The following SAMMSON variants were observed in gnomAD, a reference collection of about 807,000 sequenced individuals.
The protein encoded by SAMMSON is long intergenic non-protein coding RNA 1212.
intron 9 of SAMMSON, among the ~76,000 whole-genome samples, chr3:70,359,123 A>G (rs1174656000): frequency 5.3e-5 from 8 of 151,950 alleles, no homozygotes; most frequent in Admixed American, 5.3e-4. Flanking sequence ...ATCATCATCA[A>G]TTTCTCCTCT....
At chr3:70,144,719 A>G (rs926678552) in intron 4 of SAMMSON, among the ~76,000 whole-genome samples, 2 of 152,098 alleles carry the variant, frequency 1.3e-5, no homozygotes, top group African/African-American at 4.8e-5. Flanking sequence ...TGTTCCTGTG[A>G]TAATGAATGG....
intron 6 of SAMMSON, among the ~76,000 whole-genome samples, chr3:70,276,350 C>T (rs1381846446): frequency 6.6e-6 from 1 of 152,138 alleles, no homozygotes; most frequent in Non-Finnish European, 1.5e-5. Context: ...TTTCTTCACC[C>T]ACTTTCTTAC....
chr3:70,109,758 C>T (rs1417141194), intron 4 of SAMMSON, among the ~76,000 whole-genome samples: 1 of 152,190 alleles, frequency 6.6e-6, no homozygotes, highest in Non-Finnish European at 1.5e-5. Context: ...AATCAGTGCT[C>T]TTATCTTGTA....
At chr3:70,145,129 G>A (rs2067543154) in intron 4 of SAMMSON, among the ~76,000 whole-genome samples, 1 of 152,006 alleles carries the variant, frequency 6.6e-6, no homozygotes, top group South Asian at 2.1e-4. Context: ...TCAGGTCACA[G>A]AAAACCCAAT....
At chr3:70,279,070 C>A in intron 6 of SAMMSON, among the ~76,000 whole-genome samples, 1 of 149,876 alleles carries the variant, frequency 6.7e-6, no homozygotes, top group Non-Finnish European at 1.5e-5. Flanking sequence ...CTAACATCTT[C>A]TCATTTGCCC....
intron 4 of SAMMSON, among the ~76,000 whole-genome samples, chr3:70,184,820 A>G (rs569208311): frequency 7.9e-5 from 12 of 152,300 alleles, no homozygotes; most frequent in Admixed American, 2.6e-4. Flanking sequence ...AATACCTCTC[A>G]GCACACCACA....
At chr3:70,124,690 C>T (rs1201045958) in intron 4 of SAMMSON, among the ~76,000 whole-genome samples, 1 of 151,494 alleles carries the variant, frequency 6.6e-6, no homozygotes, top group Non-Finnish European at 1.5e-5. Flanking sequence ...TGGCGGGCGC[C>T]TGTAGTCCCA....
chr3:70,374,497 C>T (rs1213171726), intron 9 of SAMMSON, among the ~76,000 whole-genome samples: 1 of 152,130 alleles, frequency 6.6e-6, no homozygotes, highest in African/African-American at 2.4e-5. Context: ...GCTTTGTATT[C>T]TATTGACATT....
At chr3:70,327,050 G>A (rs890136328) in intron 7 of SAMMSON, among the ~76,000 whole-genome samples, 1 of 152,132 alleles carries the variant, frequency 6.6e-6, no homozygotes, top group Admixed American at 6.5e-5. Context: ...TAGAGATGGG[G>A]TTTCGCCATG....
chr3:70,181,757 T>C (rs1001686989), intron 4 of SAMMSON, among the ~76,000 whole-genome samples: 4 of 152,248 alleles, frequency 2.6e-5, no homozygotes, highest in African/African-American at 9.6e-5. Context: ...ACATCATCTA[T>C]GTTTAGACAT....
intron 2 of SAMMSON, among the ~76,000 whole-genome samples, chr3:70,432,734 A>C (rs573592593): frequency 2.0e-5 from 3 of 152,188 alleles, no homozygotes; most frequent in African/African-American, 7.2e-5. Context: ...TGACAAATGT[A>C]CAATGACATG....
At chr3:70,333,049 C>T (rs1374403534) in intron 7 of SAMMSON, 1 of 152,234 alleles carries the variant, frequency 6.6e-6, no homozygotes, top group African/African-American at 2.4e-5. Flanking sequence ...CTCACTCAGA[C>T]TGTCTTACTT....
chr3:70,149,110 G>T (rs2067561427), intron 4 of SAMMSON, among the ~76,000 whole-genome samples: 1 of 152,064 alleles, frequency 6.6e-6, no homozygotes, highest in African/African-American at 2.4e-5. Context: ...TCTGAAAATT[G>T]TTTCTCAGCA....
At chr3:70,354,402 C>T (rs745743021) in intron 8 of SAMMSON, 1 of 152,092 alleles carries the variant, frequency 6.6e-6, no homozygotes, top group African/African-American at 2.4e-5. Flanking sequence ...AAAATGAATA[C>T]TGACTGAAGC....
intron 7 of SAMMSON, among the ~76,000 whole-genome samples, chr3:70,296,374 T>G (rs1169265687): frequency 6.6e-6 from 1 of 152,190 alleles, no homozygotes; most frequent in Non-Finnish European, 1.5e-5. Flanking sequence ...CTGTTAACTA[T>G]GGGTTCCAGA....
chr3:70,223,520 C>A (rs777930040), intron 4 of SAMMSON, among the ~76,000 whole-genome samples: 1 of 152,100 alleles, frequency 6.6e-6, no homozygotes, highest in African/African-American at 2.4e-5. Flanking sequence ...AGGAAACTAG[C>A]GCAGTGCCTC....
intron 4 of SAMMSON, among the ~76,000 whole-genome samples, chr3:70,103,805 A>G (rs1446204457): frequency 6.6e-6 from 1 of 152,210 alleles, no homozygotes; most frequent in African/African-American, 2.4e-5. Flanking sequence ...AGAGGTTGCT[A>G]TAATTTCCTG....
chr3:70,064,617 C>T (rs1158715705), intron 3 of SAMMSON, among the ~76,000 whole-genome samples: 1 of 152,050 alleles, frequency 6.6e-6, no homozygotes, highest in Non-Finnish European at 1.5e-5. Context: ...CAGAGTGGGG[C>T]CATGCTTCCT....
At chr3:70,006,667 T>A (rs1024454253) in intron 1 of SAMMSON, among the ~76,000 whole-genome samples, 3 of 152,148 alleles carry the variant, frequency 2.0e-5, no homozygotes, top group Admixed American at 2.0e-4. Flanking sequence ...TTCCTTTTTT[T>A]TAAATTATAC....
Sources: gnomAD v4.1 joint callset for allele counts (sites outside exome capture counted in the v4.1 genomes callset) on GRCh38, gnomAD v4.1.1 for gene constraint, MANE v1.5 for transcripts, NCBI Gene and HGNC (gene_info 2026-07-23, HGNC 2026-07-21) for gene names.